The following STXBP5 variants were observed in gnomAD, a reference collection of about 807,000 sequenced individuals.
STXBP5 encodes the protein syntaxin binding protein 5, also known as syntaxin-binding protein 5.
STXBP5 carries 50 observed loss-of-function variants against 152.4 expected under a neutral mutation model. The observed-to-expected ratio is 0.33, with a 90% CI of 0.26 to 0.42. STXBP5 has a LOEUF of 0.42. STXBP5 is among the 10% of genes least tolerant of loss of function. The pLI is 1.00. For synonymous variants in STXBP5, 492 were observed against 494.7 expected (o/e 0.99, Z 0.07); for missense variants, 1,167 against 1,388.6 (o/e 0.84, Z 2.54).
chr6:147,250,562 G>A (rs186440784), intron 4 of STXBP5, among the ~76,000 whole-genome samples: 5 of 152,056 alleles, frequency 3.3e-5, no homozygotes, highest in Non-Finnish European at 5.9e-5. Flanking sequence ...TTGGATTTTG[G>A]TATTCATGGG....
chr6:147,371,768 A>C (rs1253069768), intron 25 of STXBP5, among the ~76,000 whole-genome samples: 2 of 152,202 alleles, frequency 1.3e-5, no homozygotes, highest in Non-Finnish European at 2.9e-5. Flanking sequence ...TAAGAAATGC[A>C]AACTGTAATT....
At chr6:147,264,538 T>G (rs1236891745) in intron 6 of STXBP5, among the ~76,000 whole-genome samples, 3 of 152,058 alleles carry the variant, frequency 2.0e-5, no homozygotes, top group African/African-American at 7.2e-5. Flanking sequence ...AACCCAGGAG[T>G]ACTCTCTGTT....
chr6:147,285,694 T>C (rs545874901), intron 8 of STXBP5, among the ~76,000 whole-genome samples: 9 of 152,270 alleles, frequency 5.9e-5, no homozygotes, highest in South Asian at 2.1e-4. Flanking sequence ...CAAGGGACTA[T>C]TGAGCAAGAA....
intron 7 of STXBP5, among the ~76,000 whole-genome samples, chr6:147,275,821 T>A (rs1015943505): frequency 6.6e-6 from 1 of 152,070 alleles, no homozygotes; most frequent in Non-Finnish European, 1.5e-5. Context: ...CCTCCCAAAG[T>A]GCTGGGATTA....
chr6:147,254,516 A>G lies in STXBP5; in HGVS notation c.432-6099A>G, dbSNP rs545610961. On this transcript the variant is annotated intron_variant, in intron 4 of 27. Transcript: ENST00000321680. ...TCAGAGTGAACAGGCAGCCTACAGA[A>G]TGCGAGAAAATTTTTGCAATCTATC... 1.6e-3 allele frequency among the ~76,000 whole-genome samples: 243 copies of G among 152,314 alleles called. 1 individual carries two copies. Among genetic ancestry groups the G allele is most frequent in the Non-Finnish European group, 2.3e-3 (157 of 68,020 alleles).
chr6:147,319,767 AT>A (rs1379581886), intron 16 of STXBP5, among the ~76,000 whole-genome samples: 5 of 149,526 alleles, frequency 3.3e-5, no homozygotes, highest in Non-Finnish European at 7.4e-5. Context: ...GTCACCTGTA[AT>A]TGCTTACTAG....
At chr6:147,292,034 CTG>C (rs1781300460) in intron 9 of STXBP5, among the ~76,000 whole-genome samples, 1 of 152,136 alleles carries the variant, frequency 6.6e-6, no homozygotes, top group African/African-American at 2.4e-5. Context: ...ACCCAGCAAT[CTG>C]TGTTTTAACT....
chr6:147,281,155 C>T (rs1348025567), intron 8 of STXBP5, among the ~76,000 whole-genome samples: 8 of 152,196 alleles, frequency 5.3e-5, no homozygotes, highest in Admixed American at 3.9e-4. Flanking sequence ...TTCCCAGGTT[C>T]AAGCGATTCT....
At chr6:147,250,536 A>T (rs1779032570) in intron 4 of STXBP5, among the ~76,000 whole-genome samples, 1 of 152,182 alleles carries the variant, frequency 6.6e-6, no homozygotes, top group Non-Finnish European at 1.5e-5. Context: ...ATTTTATATG[A>T]GGGACTTGAA....
rs749847400 is a variant in STXBP5, at chr6:147,204,910, TGCA to T, written c.150+232_150+234del. On this transcript the variant is annotated intron_variant, in intron 1 of 27. Transcript: ENST00000321680. The surrounding 1 kb of genome is among the most constrained non-coding windows in gnomAD (Gnocchi z 4.3). ...GATTTTTCTCTCTCCCCTTTGCACA[TGCA>T]GCAATCAGTTCAAGGTTGCTTCAAA... 5.9e-5 allele frequency among the ~76,000 whole-genome samples: 9 copies of T among 152,204 alleles called. No individual in the cohort carries two copies. The highest frequency in any genetic ancestry group is 1.3e-4 in the Admixed American group (2 of 15,284).
intron 21 of STXBP5, among the ~76,000 whole-genome samples, chr6:147,352,747 C>G (rs1340233566): frequency 6.6e-6 from 1 of 152,184 alleles, no homozygotes; most frequent in Non-Finnish European, 1.5e-5. Context: ...GTTACTGTTT[C>G]TCACTCAGAA....
intron 4 of STXBP5, among the ~76,000 whole-genome samples, chr6:147,239,948 T>C (rs969363422): frequency 1.3e-5 from 2 of 151,932 alleles, no homozygotes; most frequent in East Asian, 3.9e-4. Flanking sequence ...GGTACTCTTT[T>C]TTTTTTTTTT....
At chr6:147,357,303 A>G (rs1784859330) in intron 22 of STXBP5, among the ~76,000 whole-genome samples, 1 of 152,126 alleles carries the variant, frequency 6.6e-6, no homozygotes, top group African/African-American at 2.4e-5. Flanking sequence ...CAAAGGCACC[A>G]ATCAGAATAC....
intron 2 of STXBP5, among the ~76,000 whole-genome samples, chr6:147,208,476 G>A (rs180952252): frequency 1.3e-5 from 2 of 152,164 alleles, no homozygotes; most frequent in Non-Finnish European, 2.9e-5. Flanking sequence ...TTTGGTTAAC[G>A]TGCAGATTTA....
intron 18 of STXBP5, among the ~76,000 whole-genome samples, chr6:147,333,903 CAT>C (rs1783704580): frequency 6.6e-6 from 1 of 152,122 alleles, no homozygotes; most frequent in Non-Finnish European, 1.5e-5. Flanking sequence ...AAATTTATAA[CAT>C]ATTGTTTACT....
At position 147,385,629 on chromosome 6, in the gene STXBP5, A is replaced by C. The variant is rs1005548144; in HGVS notation, c.*874A>C. The C allele has an allele frequency of 6.6e-6, 1 of 152,096 alleles. No homozygotes were observed. The highest frequency in any genetic ancestry group is 6.6e-5 in the Admixed American group (1 of 15,258). The allele number at this position is 152,096 out of a possible 1,614,324, so 9.4% of individuals were successfully genotyped here. A position where few individuals can be genotyped will look rare whatever the true frequency, so the allele number is the denominator to read the frequency against. ...GATTTGACCAAAATAATGCTGGTTA[A>C]ATTTGTAGAAATGTTGAAATTGGCT... On this transcript the variant is annotated 3_prime_UTR_variant, in exon 28 of 28. Transcript: ENST00000321680.
intron 2 of STXBP5, among the ~76,000 whole-genome samples, chr6:147,220,362 C>A (rs565615464): frequency 1.3e-5 from 2 of 151,990 alleles, no homozygotes; most frequent in Non-Finnish European, 2.9e-5. Context: ...TATTGGATAA[C>A]GTAGACTGTA....
At chr6:147,284,422 A>C (rs1210767545) in intron 8 of STXBP5, among the ~76,000 whole-genome samples, 1 of 152,224 alleles carries the variant, frequency 6.6e-6, no homozygotes, top group Non-Finnish European at 1.5e-5. Flanking sequence ...ACCAGAGATT[A>C]AATACTGAAA....
At chr6:147,370,835 A>AT (rs1320068058) in intron 25 of STXBP5, among the ~76,000 whole-genome samples, 5 of 151,904 alleles carry the variant, frequency 3.3e-5, no homozygotes, top group Non-Finnish European at 7.4e-5. Flanking sequence ...GGAGATATTT[A>AT]TTTTTTCAGA....
Sources: allele counts gnomAD v4.1 joint callset (sites outside exome capture counted in the v4.1 genomes callset), GRCh38; gene constraint gnomAD v4.1.1; non-coding constraint Gnocchi (gnomAD v3.1); transcripts MANE v1.5; gene names NCBI Gene and HGNC (gene_info 2026-07-23, HGNC 2026-07-21).